AGFG1: variants seen among roughly 807,000 people sequenced by gnomAD.
AGFG1 encodes the protein arf-GAP domain and FG repeat-containing protein 1.
A neutral mutation model predicts 60.6 loss-of-function variants in AGFG1; 10 were observed. That is an observed-to-expected ratio of 0.16 (90% confidence interval 0.10 to 0.28). AGFG1 has a LOEUF of 0.28. Ranked by LOEUF, AGFG1 falls within the 10% of genes least tolerant of loss-of-function variation. The pLI, the probability that AGFG1 is intolerant of heterozygous loss-of-function variation, is 1.00. For missense variants in AGFG1, 537 were observed against 676.5 expected, an observed-to-expected ratio of 0.79 and a Z score of 2.29; for synonymous variants, 247 against 242.9, an observed-to-expected ratio of 1.02 and a Z score of -0.16.
intron 1 of AGFG1, among the ~76,000 whole-genome samples, chr2:227,485,243 C>CTTT (rs71036201): frequency 1.8e-5 from 2 of 110,572 alleles, no homozygotes; most frequent in African/African-American, 7.1e-5. Flanking sequence ...CGAATCGTTT[C>CTTT]TTTTTTTTTT....
At chr2:227,492,842 A>G (rs1690859703) in intron 2 of AGFG1, among the ~76,000 whole-genome samples, 2 of 152,110 alleles carry the variant, frequency 1.3e-5, no homozygotes, top group African/African-American at 2.4e-5. Flanking sequence ...GAGTAAGCAT[A>G]GAATAATATA....
intron 2 of AGFG1, chr2:227,508,381 T>C (rs1691390070): frequency 3.9e-6 from 1 of 255,316 alleles, no homozygotes; most frequent in Non-Finnish European, 7.9e-6. Flanking sequence ...TTACTTCATA[T>C]CAAGACAAAA....
At chr2:227,532,341 T>C (rs1692188880) in intron 6 of AGFG1, 1 of 582,930 alleles carries the variant, frequency 1.7e-6, no homozygotes, top group African/African-American at 2.0e-5. Context: ...TCCAACTCTA[T>C]TTATTAAACT....
Position 227,519,981 on chromosome 2 carries a change from G to A in AGFG1, c.295G>A (p.Asp99Asn), listed in dbSNP as rs1401185189. ...ACAGATTTGGCTAGGATTATTTGAT[G>A]ATAGATCTTCAGCAATTCCAGACTT... The part of the protein sequence containing the change: ...CKQIWLGLFD[D>N]RSSAIPDFRD... Residue 99 changes from aspartate (D) to asparagine (N), a missense_variant, in exon 3 of 13, where the codon GAT becomes AAT. By Grantham distance (23) the Asp-to-Asn change is conservative. This residue lies in a region of AGFG1 where 120 missense variants were observed against 198.5 expected (regional missense o/e 0.60). Coordinates refer to ENST00000310078, the MANE Select transcript of AGFG1 (RefSeq NM_004504.5). The A allele has an allele frequency of 1.3e-6, 2 of 1,586,308 alleles. No homozygotes were observed. The highest frequency in any genetic ancestry group is 2.8e-5 in the African/African-American group (2 of 72,332).
At chr2:227,489,698 T>C (rs1690745139) in intron 1 of AGFG1, among the ~76,000 whole-genome samples, 1 of 152,082 alleles carries the variant, frequency 6.6e-6, no homozygotes, top group East Asian at 1.9e-4. Flanking sequence ...ACAAATGAAG[T>C]GTAACTTGTC....
Position 227,553,748 on chromosome 2 carries a change from C to G in AGFG1, c.1582C>G (p.Pro528Ala), listed in dbSNP as rs755763907. The G allele has an allele frequency of 2.0e-4, 324 of 1,613,202 alleles. No individual in the cohort carries two copies. The highest frequency in any genetic ancestry group is 2.6e-4 in the Non-Finnish European group (307 of 1,179,766). ...AFGQTKPVVT[P>A]FGQVAAAGVS... ...TGGACAAACAAAGCCAGTAGTAACC[C>G]CTTTTGGTCAAGTTGCAGCTGCTGG... The change falls in exon 12 of 13, where the codon CCT becomes GCT. Residue 528 changes from proline (P) to alanine (A), a missense_variant. By Grantham distance (27) the Pro-to-Ala change is conservative. Coordinates refer to ENST00000310078, the MANE Select transcript of AGFG1 (RefSeq NM_004504.5).
chr2:227,520,669 A>G (rs547836203), intron 3 of AGFG1, among the ~76,000 whole-genome samples: 4 of 152,318 alleles, frequency 2.6e-5, no homozygotes, highest in Admixed American at 6.5e-5. Flanking sequence ...TTGCTATGGA[A>G]TAGGGACTAT....
At position 227,533,530 on chromosome 2, in the gene AGFG1, T is replaced by A. The variant is rs1304787232; in HGVS notation, c.815-19T>A. ...GGAAAAGCTTAGAAATTTCAAGTGC[T>A]CTGTTTATTCTGTTACAGGTGGAAG... On this transcript the variant is annotated intron_variant, in intron 6 of 12. Transcript: ENST00000310078. 1 of 1,609,410 alleles carries A rather than the reference T, an allele frequency of 6.2e-7. No individual in the cohort carries two copies. Among genetic ancestry groups the A allele is most frequent in the African/African-American group, 1.3e-5 (1 of 74,822 alleles).
chr2:227,496,110 CAA>C (rs748201686), intron 2 of AGFG1, among the ~76,000 whole-genome samples: 3 of 37,284 alleles, frequency 8.0e-5, no homozygotes, highest in Middle Eastern at 0.013. Context: ...GAGACTGTCT[CAA>C]AAAAAAAAAA....
intron 5 of AGFG1, among the ~76,000 whole-genome samples, chr2:227,527,710 G>C (rs1398115944): frequency 6.6e-6 from 1 of 152,040 alleles, no homozygotes; most frequent in Non-Finnish European, 1.5e-5. Flanking sequence ...ATTAATTTAG[G>C]AATTTAGTCA....
intron 5 of AGFG1, among the ~76,000 whole-genome samples, chr2:227,527,363 G>C (rs553895796): frequency 6.6e-6 from 1 of 152,002 alleles, no homozygotes; most frequent in Non-Finnish European, 1.5e-5. Context: ...ATGTACATAC[G>C]TATACACATA....
intron 10 of AGFG1, among the ~76,000 whole-genome samples, chr2:227,551,512 A>AT (rs1302523482): frequency 3.3e-5 from 5 of 151,654 alleles, no homozygotes; most frequent in Middle Eastern, 6.9e-3. Flanking sequence ...GCGGTTTAAA[A>AT]TTTTTTTTTG....
At chr2:227,553,577 A>C in intron 11 of AGFG1, 127 bp from the exon 12 acceptor site, 2 of 724,702 alleles carry the variant, frequency 2.8e-6, no homozygotes, top group Non-Finnish European at 4.6e-6. Context: ...AGGCCTAACA[A>C]CTTAACTTTA....
At chr2:227,539,671 G>A (rs971777882) in intron 10 of AGFG1, among the ~76,000 whole-genome samples, 2 of 148,324 alleles carry the variant, frequency 1.3e-5, no homozygotes, top group African/African-American at 2.5e-5. Flanking sequence ...CCTGAGCCTA[G>A]GAGGTCGAAA....
At chr2:227,487,126 CCTT>C (rs1465225315) in intron 1 of AGFG1, among the ~76,000 whole-genome samples, 2 of 152,116 alleles carry the variant, frequency 1.3e-5, no homozygotes, top group Non-Finnish European at 2.9e-5. Flanking sequence ...AAACCGCCCT[CCTT>C]CTGTTAATTT....
intron 2 of AGFG1, among the ~76,000 whole-genome samples, chr2:227,514,423 G>A (rs1224951548): frequency 1.3e-5 from 2 of 152,010 alleles, no homozygotes; most frequent in African/African-American, 2.4e-5. Flanking sequence ...TCACCATTTC[G>A]TCCAGGCTGG....
chr2:227,544,263 T>A (rs1352357108), intron 10 of AGFG1, among the ~76,000 whole-genome samples: 1 of 149,134 alleles, frequency 6.7e-6, no homozygotes, highest in Non-Finnish European at 1.5e-5. Flanking sequence ...CACGCCATTC[T>A]CCTGCCTCAG....
intron 1 of AGFG1, among the ~76,000 whole-genome samples, chr2:227,487,765 C>T (rs1690684420): frequency 6.6e-6 from 1 of 152,144 alleles, no homozygotes; most frequent in South Asian, 2.1e-4. Context: ...GGTATAGGGG[C>T]GAGACTACTC....
chr2:227,534,173 T>G (rs1692242141), intron 7 of AGFG1, among the ~76,000 whole-genome samples: 1 of 152,116 alleles, frequency 6.6e-6, no homozygotes, highest in Non-Finnish European at 1.5e-5. Context: ...ATTCATGAAT[T>G]TTACAGTATA....
Sources: allele counts gnomAD v4.1 joint callset (sites outside exome capture counted in the v4.1 genomes callset), GRCh38; gene constraint gnomAD v4.1.1; regional missense constraint gnomAD v4.1.1; transcripts MANE v1.5; gene names NCBI Gene and HGNC (gene_info 2026-07-23, HGNC 2026-07-21).